Variants in CLIP1 observed in about 807,000 individuals in gnomAD.
The protein encoded by CLIP1 is CAP-Gly domain containing linker protein 1, also known as CAP-Gly domain-containing linker protein 1.
A neutral mutation model predicts 161.6 loss-of-function variants in CLIP1; 66 were observed. The observed-to-expected ratio is 0.41, with a 90% CI of 0.33 to 0.50. CLIP1 has a LOEUF of 0.50. Ranked by LOEUF, CLIP1 falls within the 20% of genes least tolerant of loss-of-function variation. The pLI is 0.27. For missense variants in CLIP1, 1,376 were observed against 1,702.0 expected (o/e 0.81, Z 3.37); for synonymous variants, 598 against 626.2 (o/e 0.96, Z 0.67).
At chr12:122,408,375 G>A (rs1956406724) in intron 1 of CLIP1, among the ~76,000 whole-genome samples, 1 of 151,916 alleles carries the variant, frequency 6.6e-6, no homozygotes, top group Non-Finnish European at 1.5e-5. Flanking sequence ...TTGAGATGGA[G>A]TCTCACTCTG....
chr12:122,422,731 C>G (rs1194316931), upstream of CLIP1: 5 of 137,604 alleles, frequency 3.6e-5, no homozygotes, highest in African/African-American at 1.3e-4. Context: ...CCCGGCCGGC[C>G]CGGCCGGCCC....
At position 122,274,060 on chromosome 12, in the gene CLIP1, C is replaced by A. The variant is rs1955290152; in HGVS notation, c.4069G>T (p.Asp1357Tyr). The change falls in exon 25 of 26, where the codon GAT (aspartate) becomes TAT (tyrosine). Residue 1357 changes from aspartate (D) to tyrosine (Y), a missense_variant. By Grantham distance (160) the Asp-to-Tyr change is radical. This residue lies in a region of CLIP1 where 948 missense variants were observed against 1,134.8 expected (regional missense o/e 0.84). Coordinates refer to ENST00000620786, the MANE Select transcript of CLIP1 (RefSeq NM_001247997.2). The stretch of plus-strand genomic sequence containing the variant: ...TACCTGTCATAATTGTTTAGGTCAT[C>A]CCCGTTCCCATTCAGGGCTGCTTCT... ...MSEAALNGNGDDLNNYDSDDQ... is the reference protein window; with the variant it reads ...MSEAALNGNGYDLNNYDSDDQ... 1 of 1,613,826 alleles carries A rather than the reference C, an allele frequency of 6.2e-7. No individual in the cohort carries two copies. Among genetic ancestry groups the A allele is most frequent in the South Asian group, 1.1e-5 (1 of 91,084 alleles).
chr12:122,315,558 G>C (rs1257995009), intron 19 of CLIP1, among the ~76,000 whole-genome samples: 1 of 152,078 alleles, frequency 6.6e-6, no homozygotes, highest in Non-Finnish European at 1.5e-5. Context: ...CTGAAACCAC[G>C]TAACAAATTG....
chr12:122,385,053 C>T lies in CLIP1; in HGVS notation c.-106-4495G>A, dbSNP rs995132234. Among the ~76,000 whole-genome samples the T allele has an allele frequency of 2.0e-5, 3 of 151,362 alleles. No individual in the cohort carries two copies. In the South Asian group the frequency reaches 6.3e-4, roughly 32 times the overall value. On this transcript the variant is annotated intron_variant, in intron 1 of 25. Transcript: ENST00000620786. The stretch of plus-strand genomic sequence containing the variant: ...GTTCAAGCGATTCTCCTGCCTCAGA[C>T]TCATGAGTAGCTGGGACTACAGGCG...
At chr12:122,276,382 CCACACA>C (rs71082959) in intron 24 of CLIP1, 9 of 1,160,342 alleles carry the variant, frequency 7.8e-6, no homozygotes, top group African/African-American at 3.4e-5. Context: ...TAGTGGGAAA[CCACACA>C]CACACACACA....
At chr12:122,342,503 T>A (rs1952552238) in intron 10 of CLIP1, 1 of 152,120 alleles carries the variant, frequency 6.6e-6, no homozygotes, top group African/African-American at 2.4e-5. Context: ...AAAATACACA[T>A]CAGATTTTGA....
At chr12:122,303,309 T>C (rs181683146) in intron 20 of CLIP1, among the ~76,000 whole-genome samples, 15 of 152,322 alleles carry the variant, frequency 9.8e-5, no homozygotes, top group Admixed American at 5.9e-4. Context: ...CCGTTCTTTC[T>C]CTTTTCCCTC....
chr12:122,403,474 A>G (rs577131700), intron 1 of CLIP1, among the ~76,000 whole-genome samples: 2 of 149,962 alleles, frequency 1.3e-5, no homozygotes, highest in Admixed American at 1.3e-4. Context: ...AGGCCAATAC[A>G]GTAGGAGACA....
At chr12:122,278,424 C>A (rs1041734319) in intron 23 of CLIP1, 5 of 580,570 alleles carry the variant, frequency 8.6e-6, no homozygotes, top group Non-Finnish European at 3.0e-6. Flanking sequence ...TGCTCTCCCT[C>A]AGGCCTGCTA....
chr12:122,400,724 C>T (rs377317080), intron 1 of CLIP1: 5 of 152,180 alleles, frequency 3.3e-5, no homozygotes, highest in East Asian at 3.9e-4. Flanking sequence ...TCGCATCCAA[C>T]GAATCTAAAA....
intron 20 of CLIP1, among the ~76,000 whole-genome samples, chr12:122,300,750 C>T (rs976094549): frequency 1.3e-5 from 2 of 152,154 alleles, no homozygotes; most frequent in South Asian, 2.1e-4. Context: ...TGTACACTTC[C>T]ACTTTCTTTC....
intron 18 of CLIP1, among the ~76,000 whole-genome samples, chr12:122,318,741 G>A (rs895865102): frequency 2.0e-5 from 3 of 152,154 alleles, no homozygotes; most frequent in African/African-American, 7.2e-5. Flanking sequence ...AAGGAGAAAT[G>A]CTACTTGTGG....
chr12:122,280,087 T>TA (rs1313132588), intron 21 of CLIP1: 2 of 152,350 alleles, frequency 1.3e-5, no homozygotes, highest in East Asian at 1.9e-4. Context: ...TTTTTATTTT[T>TA]TTTTTTGACA....
At chr12:122,403,859 G>C (rs1956226915) in intron 1 of CLIP1, among the ~76,000 whole-genome samples, 2 of 152,038 alleles carry the variant, frequency 1.3e-5, no homozygotes, top group Non-Finnish European at 2.9e-5. Flanking sequence ...TAACACCTGG[G>C]AAACTTGTTA....
At position 122,360,993 on chromosome 12, in the gene CLIP1, G is replaced by A; in HGVS notation, c.971C>T (p.Ser324Phe). The change falls in exon 5 of 26, where the codon TCC (serine) becomes TTC (phenylalanine). Residue 324 changes from serine (S) to phenylalanine (F), a missense_variant. Around this residue, in one of 6 missense-constraint regions of CLIP1, gnomAD observed 211 missense variants for 295.1 expected, o/e 0.72. Transcript: ENST00000620786. ...CCGACTGGGCCTGCTGCTCACAGAG[G>A]AGGCCACTGAGCTCATGGAGCTGAG... The part of the protein sequence containing the change: ...SSLSSMSSVA[S>F]SVSSRPSRTG... 1 of 1,613,950 alleles carries A rather than the reference G, an allele frequency of 6.2e-7. No homozygotes were observed. Among genetic ancestry groups the A allele is most frequent in the Non-Finnish European group, 8.5e-7 (1 of 1,180,020 alleles).
chr12:122,384,937 T>A (rs80163746), intron 1 of CLIP1, among the ~76,000 whole-genome samples: 17 of 101,754 alleles, frequency 1.7e-4, no homozygotes, highest in African/African-American at 6.4e-4. Flanking sequence ...TTGATGGTAA[T>A]TTTTTTTTTT....
At chr12:122,368,280 A>G (rs1954265921) in intron 3 of CLIP1, among the ~76,000 whole-genome samples, 1 of 152,248 alleles carries the variant, frequency 6.6e-6, no homozygotes. Context: ...GAGACAGACA[A>G]GAAGATTCAG....
intron 1 of CLIP1, among the ~76,000 whole-genome samples, chr12:122,417,972 C>T (rs1381124896): frequency 6.6e-6 from 1 of 152,144 alleles, no homozygotes; most frequent in Non-Finnish European, 1.5e-5. Context: ...TCGAAAGTCA[C>T]ATTCCCAGCT....
intron 10 of CLIP1, chr12:122,344,188 A>C (rs1193172927): frequency 2.6e-5 from 4 of 152,246 alleles, no homozygotes; most frequent in Non-Finnish European, 5.9e-5. Context: ...AATAAAGATT[A>C]AAATGCCCAT....
Sources: gnomAD v4.1 joint callset for allele counts (sites outside exome capture counted in the v4.1 genomes callset) on GRCh38, gnomAD v4.1.1 for gene constraint, gnomAD v4.1.1 regional missense constraint, MANE v1.5 for transcripts, NCBI Gene and HGNC (gene_info 2026-07-23, HGNC 2026-07-21) for gene names.